Variants in COL9A3 observed in about 807,000 individuals in gnomAD.
COL9A3 encodes collagen alpha-3(IX) chain.
COL9A3 carries 82 observed loss-of-function variants against 110.2 expected under a neutral mutation model. The ratio of observed to expected loss-of-function variants is 0.74; its 90% CI spans 0.62 to 0.89. The LOEUF is 0.89. Among genes scored for constraint, COL9A3 ranks in the 40% least tolerant of loss-of-function variants. The pLI is 0.00. For missense variants in COL9A3, 1,066 were observed against 981.3 expected, an observed-to-expected ratio of 1.09 and a Z score of -1.15; for synonymous variants, 494 against 403.8, an observed-to-expected ratio of 1.22 and a Z score of -2.68.
intron 24 of COL9A3, 185 bp from the exon 25 acceptor site, chr20:62,831,969 G>A (rs929105912): frequency 1.7e-5 from 12 of 687,508 alleles, no homozygotes; most frequent in East Asian, 8.1e-5. Context: ...CAGAGCCATC[G>A]GGCCCAGAGG....
At chr20:62,835,543 C>T (rs1035946243) in intron 26 of COL9A3, among the ~76,000 whole-genome samples, 4 of 152,122 alleles carry the variant, frequency 2.6e-5, no homozygotes, top group South Asian at 2.1e-4. Flanking sequence ...TGTGTGTTGA[C>T]GCACCTGGGG....
intron 10 of COL9A3, 140 bp downstream of exon 10, chr20:62,822,772 A>T (rs2063521676): frequency 2.3e-6 from 2 of 880,398 alleles, no homozygotes; most frequent in African/African-American, 3.3e-5. Flanking sequence ...CTCAGAGCAG[A>T]CAGCTCGGGC....
In COL9A3 at chr20:62,817,913, C is replaced by T. The variant is rs1432769169; in HGVS notation, c.147+278C>T. 21 of 558,312 alleles carry T rather than the reference C, an allele frequency of 3.8e-5. 1 individual carries two copies. The highest frequency in any genetic ancestry group is 2.9e-4 in the South Asian group (17 of 57,782). 34.6% of individuals were successfully genotyped at this position (558,312 alleles called of 1,614,324 possible). A position where few individuals can be genotyped will look rare whatever the true frequency, so the allele number is the denominator to read the frequency against. ...CCTGAGGGGCCCGTGCCCCTGTGTT[C>T]GGGGTTCTGGCCTCTGGCTGAAGTG... On this transcript the variant is annotated intron_variant, in intron 2 of 31. Coordinates refer to ENST00000649368, the MANE Select transcript of COL9A3 (RefSeq NM_001853.4).
chr20:62,832,290 G>A, intron 25 of COL9A3, 101 bp downstream of exon 25: 1 of 1,193,196 alleles, frequency 8.4e-7, no homozygotes, highest in African/African-American at 1.5e-5. Context: ...GTGTTTTCGG[G>A]ACACTGAGCC....
At position 62,838,718 on chromosome 20, in the gene COL9A3, A is replaced by G; in HGVS notation, c.1821A>G (p.Ala607=). 6.4e-7 allele frequency: 1 copy of G among 1,552,820 alleles called. No homozygotes were observed. Among genetic ancestry groups the G allele is most frequent in the South Asian group, 1.2e-5 (1 of 84,100 alleles). Residue 607 remains alanine, a synonymous_variant, in exon 31 of 32, where the codon GCA becomes GCG. Coordinates refer to ENST00000649368, the MANE Select transcript of COL9A3 (RefSeq NM_001853.4). The part of the protein sequence containing the change: ...NQGDRGDKGA[A]GAGLDGPEGD... ...GTGACAGAGGAGACAAAGGCGCGGC[A>G]GGAGCAGGGCTGGACGGGCCTGAAG... is the stretch of plus-strand genomic sequence containing the variant.
At position 62,829,597 on chromosome 20, in the gene COL9A3, G is replaced by T. The variant is rs1283825643; in HGVS notation, c.1054-31G>T. 3 of 1,610,392 alleles carry T rather than the reference G, an allele frequency of 1.9e-6. No homozygotes were observed. In the East Asian group the frequency reaches 6.7e-5, roughly 36 times the overall value. On this transcript the variant is annotated intron_variant, in intron 20 of 31. Transcript: ENST00000649368. Reference sequence around the variant, plus strand: ...CGACCTGGCCCCAGTGCAGGTGTAGGCAGGCACTCACAGCTCTCCTTCCTC... The same window carrying T: ...CGACCTGGCCCCAGTGCAGGTGTAGTCAGGCACTCACAGCTCTCCTTCCTC...
intron 31 of COL9A3, 34 bp downstream of exon 31, chr20:62,838,795 T>G (rs1261090005): frequency 6.6e-7 from 1 of 1,508,598 alleles, no homozygotes; most frequent in African/African-American, 1.4e-5. Context: ...CTTCACTGGG[T>G]GACATCTCTT....
At chr20:62,817,023 G>T (rs1990946853), upstream of COL9A3, 1 of 1,164,920 alleles carries the variant, frequency 8.6e-7, no homozygotes, top group Non-Finnish European at 1.1e-6. Flanking sequence ...GCCCGCCCGC[G>T]CGCCGCCCGC....
chr20:62,827,734 C>T (rs904539491), intron 16 of COL9A3, among the ~76,000 whole-genome samples, 189 bp from the exon 17 acceptor site: 4 of 152,232 alleles, frequency 2.6e-5, no homozygotes, highest in East Asian at 1.9e-4. Flanking sequence ...GCCGCCGTGC[C>T]GTCCTGCAGC....
intron 16 of COL9A3, 48 bp downstream of exon 16, chr20:62,827,342 C>A: frequency 6.3e-7 from 1 of 1,584,206 alleles, no homozygotes; most frequent in Non-Finnish European, 8.7e-7. Flanking sequence ...TGGAAGAACC[C>A]AATTTCCCTC....
chr20:62,817,266 G>A (rs1990959397), intron 1 of COL9A3, 124 bp downstream of exon 1: 1 of 697,544 alleles, frequency 1.4e-6, no homozygotes, highest in Non-Finnish European at 2.0e-6. Flanking sequence ...GTCGGGGCGC[G>A]GAGTCGCCAG....
In COL9A3 at chr20:62,830,418, G is replaced by A; in HGVS notation, c.1215+5G>A. The A allele has an allele frequency of 6.4e-7, 1 of 1,567,780 alleles. No homozygotes were observed. Among genetic ancestry groups the A allele is most frequent in the East Asian group, 2.4e-5 (1 of 42,550 alleles). On this transcript the variant is annotated splice_donor_5th_base_variant and intron_variant, in intron 23 of 31. Coordinates refer to ENST00000649368, the MANE Select transcript of COL9A3 (RefSeq NM_001853.4). ...CCTGGTGTCCGAGGCTTCCAGGTGG[G>A]TGAGGTTGGGGCAAGGGCCTGGCAT...
At chr20:62,829,170 G>A (rs1401028505) in intron 19 of COL9A3, among the ~76,000 whole-genome samples, 194 bp downstream of exon 19, 1 of 152,210 alleles carries the variant, frequency 6.6e-6, no homozygotes, top group South Asian at 2.1e-4. Context: ...ATGTTTGCAT[G>A]TGTGTGCTTA....
intron 26 of COL9A3, among the ~76,000 whole-genome samples, chr20:62,835,322 C>G (rs1422723284): frequency 6.6e-6 from 1 of 152,186 alleles, no homozygotes; most frequent in Non-Finnish European, 1.5e-5. Context: ...CTGCGTCATT[C>G]CATGGTGGAA....
chr20:62,824,279 A>AT (rs1243726552), intron 10 of COL9A3, among the ~76,000 whole-genome samples, 166 bp from the exon 11 acceptor site: 1 of 136,510 alleles, frequency 7.3e-6, no homozygotes, highest in African/African-American at 2.8e-5. Flanking sequence ...GGGTCCCGTC[A>AT]CTGATGCGGA....
At chr20:62,830,654 C>CA (rs1555824162) in intron 24 of COL9A3, 66 bp downstream of exon 24, 6 of 1,001,474 alleles carry the variant, frequency 6.0e-6, no homozygotes, top group East Asian at 2.8e-5. Flanking sequence ...AGTCCCCCAC[C>CA]CCCATGACAG....
intron 26 of COL9A3, among the ~76,000 whole-genome samples, chr20:62,835,218 G>A (rs1387518971): frequency 6.6e-6 from 1 of 152,242 alleles, no homozygotes; most frequent in Non-Finnish European, 1.5e-5. Flanking sequence ...ACCGCAGCTT[G>A]GGTAGTTTAC....
At chr20:62,821,398 A>C in intron 6 of COL9A3, 109 bp from the exon 7 acceptor site, 1 of 1,486,924 alleles carries the variant, frequency 6.7e-7, no homozygotes, top group Non-Finnish European at 9.3e-7. Context: ...CCAGACACCC[A>C]TCCCTGGAAC....
chr20:62,829,916 T>C, intron 22 of COL9A3, 97 bp downstream of exon 22: 4 of 1,437,020 alleles, frequency 2.8e-6, no homozygotes, highest in Non-Finnish European at 3.8e-6. Flanking sequence ...TTTGGTTGCC[T>C]TGATGGGCCA....
Sources: allele counts gnomAD v4.1 joint callset (sites outside exome capture counted in the v4.1 genomes callset), GRCh38; gene constraint gnomAD v4.1.1; transcripts MANE v1.5; gene names NCBI Gene and HGNC (gene_info 2026-07-23, HGNC 2026-07-21).